CHSY1: variants seen among roughly 807,000 people sequenced by gnomAD.
The protein encoded by CHSY1 is N-acetylgalactosaminyl-proteoglycan 3-beta-glucuronosyltransferase 1.
Under a neutral mutation model 59.8 loss-of-function variants are expected in CHSY1, and 13 were observed. The ratio of observed to expected loss-of-function variants is 0.22; its 90% CI spans 0.14 to 0.35. The LOEUF (loss-of-function observed/expected upper bound fraction) is 0.35. Ranked by LOEUF, CHSY1 falls within the 10% of genes least tolerant of loss-of-function variation. CHSY1 has a pLI of 1.00. For synonymous variants in CHSY1, 459 were observed against 401.2 expected (o/e 1.14, Z -1.72); for missense variants, 947 against 1,030.6 (o/e 0.92, Z 1.11).
At chr15:101,249,127 T>C (rs2039081708) in intron 1 of CHSY1, among the ~76,000 whole-genome samples, 1 of 151,968 alleles carries the variant, frequency 6.6e-6, no homozygotes, top group African/African-American at 2.4e-5. Context: ...TGAGTATTGC[T>C]GGTGCATTAG....
intron 2 of CHSY1, among the ~76,000 whole-genome samples, chr15:101,195,278 A>G (rs570096513): frequency 2.0e-5 from 3 of 152,356 alleles, no homozygotes; most frequent in African/African-American, 4.8e-5. Flanking sequence ...ACATACTCAT[A>G]TATCACACCT....
At chr15:101,216,410 T>G (rs1317092294) in intron 2 of CHSY1, among the ~76,000 whole-genome samples, 2 of 152,234 alleles carry the variant, frequency 1.3e-5, no homozygotes. Flanking sequence ...CCAACTGATT[T>G]AAAAATGTAT....
At chr15:101,206,332 A>G (rs768404712) in intron 2 of CHSY1, among the ~76,000 whole-genome samples, 73 of 152,282 alleles carry the variant, frequency 4.8e-4, no homozygotes, top group Non-Finnish European at 6.9e-4. Flanking sequence ...ATTTGTTTCT[A>G]AAGACTCATA....
chr15:101,230,565 A>C (rs1168735929), intron 2 of CHSY1, among the ~76,000 whole-genome samples: 3 of 152,182 alleles, frequency 2.0e-5, no homozygotes, highest in African/African-American at 7.2e-5. Flanking sequence ...TTAAAAAAAG[A>C]AACATTATTT....
chr15:101,236,472 C>T (rs1458885996), intron 1 of CHSY1, among the ~76,000 whole-genome samples: 4 of 152,208 alleles, frequency 2.6e-5, no homozygotes, highest in African/African-American at 9.7e-5. Context: ...GTGCCTTTCA[C>T]TTTCCACCAT....
In CHSY1 at chr15:101,242,145, T is replaced by A. The variant is rs556544705; in HGVS notation, c.321-6568A>T. Reference sequence around the variant, plus strand: ...AGCAGGGCCAGCTGTATTTACATTCTCCCCTGTTACAGAAGGGATTTAAGA... The same window carrying A: ...AGCAGGGCCAGCTGTATTTACATTCACCCCTGTTACAGAAGGGATTTAAGA... On this transcript the variant is annotated intron_variant, in intron 1 of 2. Coordinates refer to ENST00000254190, the MANE Select transcript of CHSY1 (RefSeq NM_014918.5). Among the ~76,000 whole-genome samples the A allele has an allele frequency of 6.6e-5, 10 of 151,840 alleles. No homozygotes were observed. In the South Asian group the frequency reaches 1.9e-3, roughly 28 times the overall value.
chr15:101,188,105 G>T, intron 2 of CHSY1: 3 of 985,350 alleles, frequency 3.0e-6, no homozygotes, highest in Non-Finnish European at 1.2e-6. Context: ...CCTTCAGCAC[G>T]TACACGGTTC....
chr15:101,198,475 G>A (rs1008040109), intron 2 of CHSY1, among the ~76,000 whole-genome samples: 19 of 152,058 alleles, frequency 1.2e-4, no homozygotes, highest in Admixed American at 3.3e-4. Flanking sequence ...ACCCATGAAC[G>A]AACTATGATT....
intron 1 of CHSY1, among the ~76,000 whole-genome samples, chr15:101,238,808 T>C (rs1197205833): frequency 2.0e-5 from 3 of 152,366 alleles, no homozygotes; most frequent in African/African-American, 7.2e-5. Context: ...CTGTTCTAGG[T>C]ACTGCACTTC....
At chr15:101,216,824 A>C in intron 2 of CHSY1, among the ~76,000 whole-genome samples, 1 of 152,218 alleles carries the variant, frequency 6.6e-6, no homozygotes, top group East Asian at 1.9e-4. Context: ...ATAACACTGC[A>C]TTTGTCAAAA....
In CHSY1 at chr15:101,178,620, G is replaced by A. The variant is rs1238187604; in HGVS notation, c.1177C>T (p.Pro393Ser). 1.2e-6 allele frequency: 2 copies of A among 1,614,088 alleles called. No homozygotes were observed. The highest frequency in any genetic ancestry group is 2.2e-5 in the East Asian group (1 of 44,900). ...YLYSAVDGQP[P>S]RRGMDSAQRE... is the part of the protein sequence containing the mutation. ...TGGGCGGAGTCCATTCCTCTTCGAGGGGGCTGGCCGTCAACTGCCGAATAC... is the reference window on the plus strand; with the variant it reads ...TGGGCGGAGTCCATTCCTCTTCGAGAGGGCTGGCCGTCAACTGCCGAATAC... Residue 393 changes from proline (P) to serine (S), a missense_variant, in exon 3 of 3, where the codon CCT becomes TCT. Pro to Ser is a moderately conservative substitution (Grantham distance 74). Transcript: ENST00000254190.
intron 2 of CHSY1, among the ~76,000 whole-genome samples, chr15:101,221,426 C>A (rs1261530858): frequency 6.6e-6 from 1 of 152,110 alleles, no homozygotes; most frequent in African/African-American, 2.4e-5. Context: ...CCGGGAGGAG[C>A]CAAGCTTGCC....
At chr15:101,225,983 T>C (rs2038838307) in intron 2 of CHSY1, among the ~76,000 whole-genome samples, 1 of 152,210 alleles carries the variant, frequency 6.6e-6, no homozygotes, top group South Asian at 2.1e-4. Context: ...TACCCAATGG[T>C]GGAACCATTT....
intron 2 of CHSY1, among the ~76,000 whole-genome samples, chr15:101,233,845 AAGT>A (rs2038914558): frequency 1.3e-5 from 2 of 152,248 alleles, no homozygotes; most frequent in South Asian, 4.1e-4. Flanking sequence ...AGGGGTGGAC[AAGT>A]ACAGGCAAGA....
intron 2 of CHSY1, among the ~76,000 whole-genome samples, chr15:101,193,998 G>A (rs1281347268): frequency 6.6e-6 from 1 of 152,244 alleles, no homozygotes; most frequent in African/African-American, 2.4e-5. Context: ...CTTCCTCCAT[G>A]TGCTCAGGGG....
intron 2 of CHSY1, among the ~76,000 whole-genome samples, chr15:101,218,572 G>A (rs1361598259): frequency 2.6e-5 from 4 of 152,136 alleles, no homozygotes; most frequent in Non-Finnish European, 4.4e-5. Context: ...CTGAGATCGC[G>A]CCACTGCACT....
intron 1 of CHSY1, among the ~76,000 whole-genome samples, chr15:101,239,841 C>T (rs1416073173): frequency 1.3e-5 from 2 of 149,624 alleles, no homozygotes; most frequent in East Asian, 1.9e-4. Flanking sequence ...AACTTCCCTA[C>T]TAGACTGAGG....
rs1036092475 is a variant in CHSY1, at chr15:101,188,307, A to G, written c.817-9327T>C. 8.5e-6 allele frequency: 4 copies of G among 470,436 alleles called. No homozygotes were observed. In the African/African-American group the frequency reaches 8.6e-5, roughly 10 times the overall value. 29.1% of individuals were successfully genotyped at this position (470,436 alleles called of 1,614,324 possible). ...GCCAGTCACGAGTTTTAAACATTTAAATTACATTCTCATATGCTTCCAGGT... is the reference window on the plus strand; with the variant it reads ...GCCAGTCACGAGTTTTAAACATTTAGATTACATTCTCATATGCTTCCAGGT... On this transcript the variant is annotated intron_variant, in intron 2 of 2. Coordinates refer to ENST00000254190, the MANE Select transcript of CHSY1 (RefSeq NM_014918.5).
In CHSY1 at chr15:101,252,041, A is replaced by G. The variant is rs1188408534; in HGVS notation, c.-585T>C. ...CGTCCGCGCCGCGCGATTGGCGCAA[A>G]AGTGAATGAGGGGCGGTTCACGTGG... On this transcript the variant is annotated 5_prime_UTR_variant, in exon 1 of 3. Coordinates refer to ENST00000254190, the MANE Select transcript of CHSY1 (RefSeq NM_014918.5). 1 of 149,742 alleles carries G rather than the reference A, an allele frequency of 6.7e-6. No homozygotes were observed. The highest frequency in any genetic ancestry group is 6.6e-5 in the Admixed American group (1 of 15,080). 9.3% of individuals were successfully genotyped at this position (149,742 alleles called of 1,614,324 possible).
Sources: gnomAD v4.1 joint callset for allele counts (sites outside exome capture counted in the v4.1 genomes callset) on GRCh38, gnomAD v4.1.1 for gene constraint, MANE v1.5 for transcripts, NCBI Gene and HGNC (gene_info 2026-07-23, HGNC 2026-07-21) for gene names.